Variants in LRRC4C observed in about 807,000 individuals in gnomAD.
LRRC4C encodes leucine-rich repeat-containing protein 4C.
Under a neutral mutation model 33.6 loss-of-function variants are expected in LRRC4C, and 5 were observed. The observed-to-expected ratio is 0.15, with a 90% confidence interval of 0.08 to 0.31. The LOEUF (loss-of-function observed/expected upper bound fraction) is 0.31. Ranked by LOEUF, LRRC4C falls within the 10% of genes least tolerant of loss-of-function variation. The pLI is 1.00. For synonymous variants in LRRC4C, 329 were observed against 302.0 expected (o/e 1.09, Z -0.93); for missense variants, 560 against 796.7 (o/e 0.70, Z 3.58).
intron 1 of LRRC4C, among the ~76,000 whole-genome samples, chr11:41,034,988 T>A (rs1453098244): frequency 4.3e-4 from 65 of 150,838 alleles, no homozygotes; most frequent in Non-Finnish European, 1.0e-4. Context: ...TATTTTGTTT[T>A]TATTTTTATT....
chr11:41,221,393 A>G (rs1167772994), intron 1 of LRRC4C, among the ~76,000 whole-genome samples: 3 of 152,176 alleles, frequency 2.0e-5, no homozygotes, highest in Admixed American at 2.0e-4. Flanking sequence ...TTACAAAGTC[A>G]AAAAATAGCA....
At chr11:40,236,957 G>A in intron 5 of LRRC4C, among the ~76,000 whole-genome samples, 1 of 152,082 alleles carries the variant, frequency 6.6e-6, no homozygotes. Flanking sequence ...GCAGAGCTGA[G>A]AACACCATTT....
intron 1 of LRRC4C, among the ~76,000 whole-genome samples, chr11:41,244,102 C>T (rs1044072750): frequency 6.6e-6 from 1 of 151,912 alleles, no homozygotes; most frequent in Non-Finnish European, 1.5e-5. Context: ...CTATGAAGGC[C>T]AGATTGGGTG....
chr11:40,175,406 G>C (rs758794869), intron 5 of LRRC4C, among the ~76,000 whole-genome samples: 1 of 152,142 alleles, frequency 6.6e-6, no homozygotes, highest in South Asian at 2.1e-4. Flanking sequence ...GAAATCCTCC[G>C]CTTAGTCAAC....
intron 1 of LRRC4C, among the ~76,000 whole-genome samples, chr11:40,947,789 T>C (rs1958472999): frequency 6.6e-6 from 1 of 152,028 alleles, no homozygotes; most frequent in Non-Finnish European, 1.5e-5. Context: ...CCCAGTGGCC[T>C]CCCTGTACTC....
chr11:40,353,195 T>C (rs1044137255), intron 3 of LRRC4C, among the ~76,000 whole-genome samples: 1 of 152,170 alleles, frequency 6.6e-6, no homozygotes, highest in Non-Finnish European at 1.5e-5. Context: ...CTTACTCTTT[T>C]AGGTCAATAT....
intron 1 of LRRC4C, among the ~76,000 whole-genome samples, chr11:41,258,702 C>A (rs11036323): frequency 0.046 from 6,914 of 151,932 alleles, 200 homozygotes; most frequent in South Asian, 0.074. Flanking sequence ...ACATAAAAAT[C>A]AACTAGTTTC....
At chr11:41,446,912 T>C (rs191968664) in intron 1 of LRRC4C, among the ~76,000 whole-genome samples, 2 of 152,066 alleles carry the variant, frequency 1.3e-5, no homozygotes, top group Admixed American at 6.6e-5. Flanking sequence ...AGTAAAGTCC[T>C]TACAGAGTAA....
rs2137816015 is a variant in LRRC4C at position 40,428,017 on chromosome 11, A to G, written c.-269-108296T>C. 2.0e-5 allele frequency among the ~76,000 whole-genome samples: 3 copies of G among 152,348 alleles called. No individual in the cohort carries two copies. The Middle Eastern group carries it at 0.01, about 518-fold the overall frequency. ...GAGTCGAAAATCACTGAAATGTTTT[A>G]TAAGGCATTCTGAATCAGAAAGGCT... is the stretch of plus-strand genomic sequence containing the variant. On this transcript the variant is annotated intron_variant, in intron 3 of 6. Transcript: ENST00000528697.
At chr11:40,318,663 G>A (rs1461216720) in intron 4 of LRRC4C, among the ~76,000 whole-genome samples, 1 of 152,140 alleles carries the variant, frequency 6.6e-6, no homozygotes, top group Non-Finnish European at 1.5e-5. Flanking sequence ...AATCCCCATT[G>A]AGACAAGTCC....
intron 2 of LRRC4C, among the ~76,000 whole-genome samples, chr11:40,908,959 G>A (rs1956546103): frequency 6.6e-6 from 1 of 152,032 alleles, no homozygotes; most frequent in Non-Finnish European, 1.5e-5. Flanking sequence ...ACAACTAGGA[G>A]GTGAGATAGG....
chr11:41,405,583 T>C (rs137961365), intron 1 of LRRC4C, among the ~76,000 whole-genome samples: 213 of 152,250 alleles, frequency 1.4e-3, no homozygotes, highest in Non-Finnish European at 2.1e-3. Flanking sequence ...CTAAAGGATA[T>C]AAAGAGTAGT....
chr11:40,589,158 CT>C (rs1300812157), intron 3 of LRRC4C, among the ~76,000 whole-genome samples: 1 of 151,980 alleles, frequency 6.6e-6, no homozygotes. Flanking sequence ...AATCTGGGTG[CT>C]CCTGTATTGG....
At chr11:41,408,154 T>A (rs1954312803) in intron 1 of LRRC4C, among the ~76,000 whole-genome samples, 1 of 152,126 alleles carries the variant, frequency 6.6e-6, no homozygotes, top group African/African-American at 2.4e-5. Flanking sequence ...GTGAAACAGG[T>A]AATAGCAAGC....
At chr11:40,876,396 T>TATCAGA (rs1385266349) in intron 2 of LRRC4C, among the ~76,000 whole-genome samples, 2 of 150,662 alleles carry the variant, frequency 1.3e-5, no homozygotes, top group African/African-American at 2.4e-5. Flanking sequence ...ATGTTTGAAA[T>TATCAGA]ATGTCAGAAA....
Position 40,495,813 on chromosome 11 carries a change from G to GTTTTTTTTTTTTTTTT in LRRC4C, c.-270+152313_-270+152328dup, listed in dbSNP as rs77683172. ...TTTTATTGAAGTTCTCAATAAACATGTTTTTTTTTTTTTTTTTTTTTTTTT... is the reference window on the plus strand; with the variant it reads ...TTTTATTGAAGTTCTCAATAAACATGTTTTTTTTTTTTTTTTTTTTTTTTTTTTTTTTTTTTTTTTT... On this transcript the variant is annotated intron_variant, in intron 3 of 6. Coordinates refer to ENST00000528697, the MANE Select transcript of LRRC4C (RefSeq NM_001258419.2). 5.7e-4 allele frequency among the ~76,000 whole-genome samples: 38 copies of GTTTTTTTTTTTTTTTT among 67,014 alleles called. 9 individuals are homozygous for GTTTTTTTTTTTTTTTT. Among genetic ancestry groups the GTTTTTTTTTTTTTTTT allele is most frequent in the Non-Finnish European group, 6.4e-4 (23 of 36,096 alleles). 44.0% of individuals were successfully genotyped at this position (67,014 alleles called of 152,430 possible).
chr11:41,185,880 GA>G (rs944319625), intron 1 of LRRC4C, among the ~76,000 whole-genome samples: 1 of 150,970 alleles, frequency 6.6e-6, no homozygotes, highest in Non-Finnish European at 1.5e-5. Context: ...TTTAAAAAAA[GA>G]AAAAAAGATG....
chr11:40,586,170 C>T (rs1036803135), intron 3 of LRRC4C, among the ~76,000 whole-genome samples: 9 of 151,968 alleles, frequency 5.9e-5, no homozygotes, highest in African/African-American at 1.9e-4. Context: ...GCCATTCTAA[C>T]TGGTGTGAGA....
intron 2 of LRRC4C, among the ~76,000 whole-genome samples, chr11:40,778,756 A>G (rs1177044052): frequency 6.6e-6 from 1 of 152,220 alleles, no homozygotes; most frequent in Admixed American, 6.5e-5. Context: ...CAGAAATGTT[A>G]TACCTCAAAG....
Sources: allele counts gnomAD v4.1 joint callset (sites outside exome capture counted in the v4.1 genomes callset), GRCh38; gene constraint gnomAD v4.1.1; transcripts MANE v1.5; gene names NCBI Gene and HGNC (gene_info 2026-07-23, HGNC 2026-07-21).